The following ABHD2 variants were observed in gnomAD, a reference collection of about 807,000 sequenced individuals.
ABHD2 encodes the protein abhydrolase domain containing 2, acylglycerol lipase, also known as monoacylglycerol lipase ABHD2.
In ABHD2, 20 loss-of-function variants were observed where a neutral mutation model predicts 48.1. That is an observed-to-expected ratio of 0.42 (90% CI 0.29 to 0.60). ABHD2 has a LOEUF of 0.60. Among genes scored for constraint, ABHD2 ranks in the 20% least tolerant of loss-of-function variants. The pLI, the probability that ABHD2 is intolerant of heterozygous loss-of-function variation, is 0.24. For missense variants in ABHD2, 405 were observed against 550.9 expected, an observed-to-expected ratio of 0.74 and a Z score of 2.65; for synonymous variants, 209 against 214.2, an observed-to-expected ratio of 0.98 and a Z score of 0.21.
In ABHD2 at chr15:89,100,874, A is replaced by T. The variant is rs1034990302; in HGVS notation, c.-107+12311A>T. On this transcript the variant is annotated intron_variant, in intron 1 of 10. Transcript: ENST00000352732. This position sits in a 1 kb window ranked among gnomAD's most constrained non-coding sequence, Gnocchi z 4.4. ...CAGTGAGAGACTCCATCTCAAAAAA[A>T]AAGGAACCTTATTTTATAATTTCAC... 6.6e-6 allele frequency among the ~76,000 whole-genome samples: 1 copy of T among 152,222 alleles called. No homozygotes were observed. Among genetic ancestry groups the T allele is most frequent in the South Asian group, 2.1e-4 (1 of 4,832 alleles).
chr15:89,098,641 G>A (rs2049652400), intron 1 of ABHD2, among the ~76,000 whole-genome samples: 1 of 152,154 alleles, frequency 6.6e-6, no homozygotes, highest in South Asian at 2.1e-4. Context: ...GCTCATTCTT[G>A]TCAATGATGT....
At chr15:89,154,728 G>T (rs1467088226) in intron 4 of ABHD2, among the ~76,000 whole-genome samples, 1 of 152,064 alleles carries the variant, frequency 6.6e-6, no homozygotes, top group Non-Finnish European at 1.5e-5. Flanking sequence ...ATTTTTAAGG[G>T]CTTCATAATA....
At chr15:89,161,118 C>T (rs1296311222) in intron 5 of ABHD2, among the ~76,000 whole-genome samples, 2 of 152,140 alleles carry the variant, frequency 1.3e-5, no homozygotes, top group South Asian at 4.1e-4. Flanking sequence ...TTAAAAGATA[C>T]CTGTGCCAGT....
intron 4 of ABHD2, among the ~76,000 whole-genome samples, chr15:89,154,748 T>C (rs1023274450): frequency 2.6e-5 from 4 of 152,378 alleles, no homozygotes; most frequent in African/African-American, 9.6e-5. Flanking sequence ...ATTTCATCAC[T>C]TAGATATGCA....
intron 5 of ABHD2, among the ~76,000 whole-genome samples, chr15:89,158,720 TTTG>T (rs1255017911): frequency 3.3e-5 from 5 of 152,124 alleles, no homozygotes; most frequent in Non-Finnish European, 5.9e-5. Flanking sequence ...TTTGTTTTGT[TTTG>T]TTTTTTTGAG....
At chr15:89,145,184 A>C (rs2150874905) in intron 3 of ABHD2, among the ~76,000 whole-genome samples, 1 of 152,314 alleles carries the variant, frequency 6.6e-6, no homozygotes, top group South Asian at 2.1e-4. Flanking sequence ...TGAACCCAGG[A>C]GGTGAAGGTT....
chr15:89,201,837 C>T lies in ABHD2; in HGVS notation c.*6414C>T, dbSNP rs1210857765. ...AGCGCAGAGCAGGGGGCGGCTTGCT[C>T]GCTGGGGGCGGGGGACGATGGCGAG... On this transcript the variant is annotated 3_prime_UTR_variant, in exon 11 of 11. Coordinates refer to ENST00000352732, the MANE Select transcript of ABHD2 (RefSeq NM_152924.5). 8 of 1,072,598 alleles carry T rather than the reference C, an allele frequency of 7.5e-6. No individual in the cohort carries two copies. Among genetic ancestry groups the T allele is most frequent in the East Asian group, 2.4e-5 (1 of 42,224 alleles). 66.4% of individuals were successfully genotyped at this position (1,072,598 alleles called of 1,614,324 possible).
intron 3 of ABHD2, among the ~76,000 whole-genome samples, chr15:89,141,577 G>A (rs949521967): frequency 1.3e-5 from 2 of 152,186 alleles, no homozygotes; most frequent in African/African-American, 4.8e-5. Flanking sequence ...AGGCTGCAGT[G>A]AGCAGAGATC....
chr15:89,080,413 C>A, the ABHD2 span, among the ~76,000 whole-genome samples: 19 of 152,186 alleles, frequency 1.2e-4, no homozygotes, highest in East Asian at 2.3e-3. Context: ...AAGCAACAAG[C>A]TGAACTGTAG....
intron 4 of ABHD2, among the ~76,000 whole-genome samples, chr15:89,152,212 A>G (rs1452510641): frequency 1.3e-5 from 2 of 151,802 alleles, no homozygotes; most frequent in Non-Finnish European, 2.9e-5. Flanking sequence ...AGTAGCTGGG[A>G]CTACAGGCGC....
intron 7 of ABHD2, among the ~76,000 whole-genome samples, chr15:89,187,893 T>C (rs1470267923): frequency 6.6e-6 from 1 of 152,220 alleles, no homozygotes; most frequent in Non-Finnish European, 1.5e-5. Flanking sequence ...GCTTGGCCCA[T>C]GGCCCACCAC....
At chr15:89,069,243 TCA>T in the ABHD2 span, among the ~76,000 whole-genome samples, 15 of 151,190 alleles carry the variant, frequency 9.9e-5, no homozygotes, top group Admixed American at 9.9e-4. Context: ...TCCTCCTGTC[TCA>T]GTCTCTAGAG....
chr15:89,161,075 T>A (rs2050755158), intron 5 of ABHD2, among the ~76,000 whole-genome samples: 1 of 152,222 alleles, frequency 6.6e-6, no homozygotes, highest in African/African-American at 2.4e-5. Context: ...TAGGTCAGTT[T>A]GTTGTCAACA....
intron 3 of ABHD2, among the ~76,000 whole-genome samples, chr15:89,125,368 T>G (rs1436367781): frequency 6.6e-6 from 1 of 152,230 alleles, no homozygotes; most frequent in Non-Finnish European, 1.5e-5. Context: ...CCACCAGACC[T>G]TCAGAGCATA....
In ABHD2 at chr15:89,088,739, G is replaced by A. The variant is rs1567061899; in HGVS notation, c.-107+176G>A. 1.3e-5 allele frequency among the ~76,000 whole-genome samples: 2 copies of A among 152,358 alleles called. No individual in the cohort carries two copies. Among genetic ancestry groups the A allele is most frequent in the South Asian group, 4.1e-4 (2 of 4,834 alleles). ...GGGGTCCCAGGGGCTGGCTTGCCCA[G>A]TGGTGGGGACAGCCCAGATCGCGGC... On this transcript the variant is annotated intron_variant, in intron 1 of 10. Coordinates refer to ENST00000352732, the MANE Select transcript of ABHD2 (RefSeq NM_152924.5). The surrounding 1 kb of genome is among the most constrained non-coding windows in gnomAD (Gnocchi z 6.8).
rs535576428 is a variant in ABHD2 at position 89,184,359 on chromosome 15, C to G, written c.723-1065C>G. ...CAAAACAAAAAACCTTACAAACCAC[C>G]TGGTCCCCTCACTTACCATCTGGAA... is the stretch of plus-strand genomic sequence containing the variant. On this transcript the variant is annotated intron_variant, in intron 6 of 10. Transcript: ENST00000352732. The surrounding 1 kb of genome is among the most constrained non-coding windows in gnomAD (Gnocchi z 5.1). Among the ~76,000 whole-genome samples the G allele has an allele frequency of 4.5e-4, 68 of 152,316 alleles. No homozygotes were observed. Among genetic ancestry groups the G allele is most frequent in the African/African-American group, 1.6e-3 (67 of 41,564 alleles).
chr15:89,112,905 A>G (rs934072326), intron 1 of ABHD2, among the ~76,000 whole-genome samples: 13 of 152,242 alleles, frequency 8.5e-5, no homozygotes, highest in African/African-American at 2.9e-4. Flanking sequence ...TACCTTGTCT[A>G]TAAAATGGGG....
rs998238484 is a variant in ABHD2 at position 89,102,832 on chromosome 15, G to C, written c.-106-10893G>C. On this transcript the variant is annotated intron_variant, in intron 1 of 10. Transcript: ENST00000352732. This position sits in a 1 kb window ranked among gnomAD's most constrained non-coding sequence, Gnocchi z 4.8. Reference sequence around the variant, plus strand: ...TAGGAGCAAATGCCTGCCTGATACAGGCAACGTTTGCACAAAAACCCAAAG... The same window carrying C: ...TAGGAGCAAATGCCTGCCTGATACACGCAACGTTTGCACAAAAACCCAAAG... Among the ~76,000 whole-genome samples, 1 of 152,220 alleles carries C rather than the reference G, an allele frequency of 6.6e-6. No homozygotes were observed. Among genetic ancestry groups the C allele is most frequent in the Non-Finnish European group, 1.5e-5 (1 of 68,048 alleles).
chr15:89,133,834 ATTTTTT>A (rs71464448), intron 3 of ABHD2, among the ~76,000 whole-genome samples: 2 of 123,778 alleles, frequency 1.6e-5, no homozygotes, highest in African/African-American at 6.1e-5. Context: ...GCCATGCATA[ATTTTTT>A]TTTTTTTTTT....
Sources: allele counts gnomAD v4.1 joint callset (sites outside exome capture counted in the v4.1 genomes callset), GRCh38; gene constraint gnomAD v4.1.1; non-coding constraint Gnocchi (gnomAD v3.1); transcripts MANE v1.5; gene names NCBI Gene and HGNC (gene_info 2026-07-23, HGNC 2026-07-21).